HIBCH: variants seen among roughly 807,000 people sequenced by gnomAD.
The protein encoded by HIBCH is 3-hydroxyisobutyryl-CoA hydrolase.
In HIBCH, 50 loss-of-function variants were observed where a neutral mutation model predicts 58.2. The ratio of observed to expected loss-of-function variants is 0.86; its 90% CI spans 0.68 to 1.09. The LOEUF (loss-of-function observed/expected upper bound fraction) is 1.09. HIBCH is among the 50% of genes least tolerant of loss of function. The pLI, the probability that HIBCH is intolerant of heterozygous loss-of-function variation, is 0.00. For missense variants in HIBCH, 450 were observed against 449.7 expected (o/e 1.00, Z -0.01); for synonymous variants, 151 against 146.9 (o/e 1.03, Z -0.20).
Position 190,287,027 on chromosome 2 carries a change from C to CGTGTGTGTGTGTGTGT in HIBCH, c.438+543_438+558dup, listed in dbSNP as rs56811939. ...TTCAAAAAGTTAAAATAGCATATAA[C>CGTGTGTGTGTGTGTGT]GTGTGTGTGTGTGTGTGTGTGTGTG... On this transcript the variant is annotated intron_variant, in intron 6 of 13. Transcript: ENST00000359678. 7.7e-3 allele frequency among the ~76,000 whole-genome samples: 1,101 copies of CGTGTGTGTGTGTGTGT among 142,194 alleles called. 7 individuals are homozygous for CGTGTGTGTGTGTGTGT. The highest frequency in any genetic ancestry group is 0.019 in the South Asian group (83 of 4,290). The allele number at this position is 142,194 out of a possible 152,430, so 93.3% of individuals were successfully genotyped here. A position where few individuals can be genotyped will look rare whatever the true frequency, so the allele number is the denominator to read the frequency against.
At chr2:190,190,166 A>G (rs1000178258) in intron 1 of HIBCH, among the ~76,000 whole-genome samples, 1 of 152,224 alleles carries the variant, frequency 6.6e-6, no homozygotes, top group Non-Finnish European at 1.5e-5. Context: ...TAACATACCA[A>G]TTAAGATATA....
intron 3 of HIBCH, among the ~76,000 whole-genome samples, chr2:190,295,632 C>T (rs1448591522): frequency 6.6e-6 from 1 of 152,174 alleles, no homozygotes; most frequent in Non-Finnish European, 1.5e-5. Context: ...ACGTGATTGT[C>T]CAAAAGGTTC....
chr2:190,248,569 G>C (rs1356262895), intron 9 of HIBCH, among the ~76,000 whole-genome samples: 1 of 152,114 alleles, frequency 6.6e-6, no homozygotes, highest in African/African-American at 2.4e-5. Flanking sequence ...TGTACAAGAA[G>C]ACTTGTGGAA....
At position 190,243,741 on chromosome 2, in the gene HIBCH, G is replaced by A. The variant is rs1017982279; in HGVS notation, c.891+1146C>T. The stretch of plus-strand genomic sequence containing the variant: ...CCAGCACTTTGGGAAGCTGAGGTGG[G>A]TGAATCACTTGAGCCTAGGAGGTCG... On this transcript the variant is annotated intron_variant, in intron 11 of 13. Coordinates refer to ENST00000359678, the MANE Select transcript of HIBCH (RefSeq NM_014362.4). The surrounding 1 kb of genome is among the most constrained non-coding windows in gnomAD (Gnocchi z 4.1). 2.0e-5 allele frequency among the ~76,000 whole-genome samples: 3 copies of A among 152,174 alleles called. No individual in the cohort carries two copies. Among genetic ancestry groups the A allele is most frequent in the South Asian group, 2.1e-4 (1 of 4,822 alleles).
intron 1 of HIBCH, among the ~76,000 whole-genome samples, chr2:190,191,609 T>C (rs894012880): frequency 9.9e-5 from 15 of 152,200 alleles, no homozygotes; most frequent in African/African-American, 3.4e-4. Context: ...TGTATGAGAG[T>C]GCAGTTGCTC....
intron 12 of HIBCH, among the ~76,000 whole-genome samples, chr2:190,212,645 T>C (rs934597813): frequency 6.6e-6 from 1 of 152,234 alleles, no homozygotes; most frequent in Non-Finnish European, 1.5e-5. Flanking sequence ...ACAGAGTTTA[T>C]ATGCCTTGCC....
rs545962215 is a variant in HIBCH, at chr2:190,243,603, T to C, written c.891+1284A>G. On this transcript the variant is annotated intron_variant, in intron 11 of 13. Transcript: ENST00000359678. The surrounding 1 kb of genome is among the most constrained non-coding windows in gnomAD (Gnocchi z 4.1). ...ACCTGCTCTAATTTATGCCCATCCT[T>C]GAAAGTTAACAAAATTTTAATACTG... is the stretch of plus-strand genomic sequence containing the variant. Among the ~76,000 whole-genome samples, 4 of 152,270 alleles carry C rather than the reference T, an allele frequency of 2.6e-5. No individual in the cohort carries two copies. Among genetic ancestry groups the C allele is most frequent in the Non-Finnish European group, 5.9e-5 (4 of 68,008 alleles).
chr2:190,262,093 G>T lies in HIBCH; in HGVS notation c.439-859C>A, dbSNP rs1575733049. Among the ~76,000 whole-genome samples, 2 of 150,476 alleles carry T rather than the reference G, an allele frequency of 1.3e-5. 1 individual carries two copies. The highest frequency in any genetic ancestry group is 1.3e-4 in the Admixed American group (2 of 15,014). On this transcript the variant is annotated intron_variant, in intron 6 of 13. Coordinates refer to ENST00000359678, the MANE Select transcript of HIBCH (RefSeq NM_014362.4). ...TCGATGACAGGCAGTGAAGCTTAAA[G>T]GTCATCTGACATTTGAGCTAAAGAT...
intron 2 of HIBCH, among the ~76,000 whole-genome samples, chr2:190,308,039 C>T (rs1460982545): frequency 6.6e-6 from 1 of 152,246 alleles, no homozygotes; most frequent in Admixed American, 6.5e-5. Flanking sequence ...CTTTCTCTCT[C>T]TCTGTCTCAG....
At chr2:190,296,296 T>C (rs909246589) in intron 3 of HIBCH, among the ~76,000 whole-genome samples, 2 of 152,080 alleles carry the variant, frequency 1.3e-5, no homozygotes, top group African/African-American at 4.8e-5. Context: ...GGCGGGCACC[T>C]GTAGTCCCAG....
chr2:190,285,811 A>G (rs1440669354), intron 6 of HIBCH, among the ~76,000 whole-genome samples: 2 of 152,022 alleles, frequency 1.3e-5, no homozygotes, highest in African/African-American at 4.8e-5. Flanking sequence ...GCCGTAAAGA[A>G]GTTCTCTAAC....
intron 1 of HIBCH, among the ~76,000 whole-genome samples, chr2:190,311,415 C>A (rs1350095886): frequency 6.6e-6 from 1 of 152,112 alleles, no homozygotes; most frequent in South Asian, 2.1e-4. Context: ...GTCATTTTTT[C>A]CATCAACTTA....
chr2:190,267,114 G>A (rs968160569), intron 6 of HIBCH, among the ~76,000 whole-genome samples: 9 of 152,034 alleles, frequency 5.9e-5, no homozygotes, highest in African/African-American at 1.7e-4. Flanking sequence ...GACCAATTCT[G>A]TCCACAGTGT....
At chr2:190,250,440 C>A in intron 8 of HIBCH, 1 of 461,474 alleles carries the variant, frequency 2.2e-6, no homozygotes, top group Middle Eastern at 3.3e-4. Context: ...CTAATCGCAT[C>A]CCCAAAGTAT....
chr2:190,268,163 G>GT (rs1470325110), intron 6 of HIBCH, among the ~76,000 whole-genome samples: 1 of 152,102 alleles, frequency 6.6e-6, no homozygotes, highest in East Asian at 1.9e-4. Context: ...TACAATTATG[G>GT]TATGTCCTAC....
At chr2:190,294,882 A>C (rs1688064423) in intron 3 of HIBCH, among the ~76,000 whole-genome samples, 1 of 152,210 alleles carries the variant, frequency 6.6e-6, no homozygotes, top group Admixed American at 6.5e-5. Context: ...TGTGTGATCC[A>C]AATTTCAAGA....
chr2:190,298,218 G>A (rs981794653), intron 2 of HIBCH, among the ~76,000 whole-genome samples: 6 of 152,094 alleles, frequency 3.9e-5, no homozygotes, highest in African/African-American at 1.4e-4. Context: ...ATAAACATAT[G>A]TGTACATGTG....
At chr2:190,189,845 T>G (rs117967761) in exon 2 of HIBCH, 1 of 152,234 alleles carries the variant, frequency 6.6e-6, no homozygotes, top group African/African-American at 2.4e-5. Context: ...CTGGAAGAAC[T>G]AGAAGTAGGC....
At chr2:190,200,006 A>C, downstream of HIBCH, 1 of 1,614,118 alleles carries the variant, frequency 6.2e-7, no homozygotes, top group Non-Finnish European at 8.5e-7. Flanking sequence ...GAGGAAGTGA[A>C]GGAACCTCCA....
Sources: allele counts gnomAD v4.1 joint callset (sites outside exome capture counted in the v4.1 genomes callset), GRCh38; gene constraint gnomAD v4.1.1; non-coding constraint Gnocchi (gnomAD v3.1); transcripts MANE v1.5; gene names NCBI Gene and HGNC (gene_info 2026-07-23, HGNC 2026-07-21).